Variants in SAMD3 observed in about 807,000 individuals in gnomAD.
SAMD3 encodes sterile alpha motif domain-containing protein 3.
A neutral mutation model predicts 58.5 loss-of-function variants in SAMD3; 63 were observed. The ratio of observed to expected loss-of-function variants is 1.08; its 90% CI spans 0.88 to 1.33. SAMD3 has a LOEUF of 1.33. Ranked by LOEUF, SAMD3 falls within the 40% of genes most tolerant of loss-of-function variation. SAMD3 has a pLI of 0.00. For missense variants in SAMD3, 604 were observed against 608.4 expected (o/e 0.99, Z 0.08); for synonymous variants, 220 against 210.3 (o/e 1.05, Z -0.40).
chr6:130,181,150 T>C (rs190136525), intron 7 of SAMD3, among the ~76,000 whole-genome samples: 10 of 152,168 alleles, frequency 6.6e-5, no homozygotes, highest in Admixed American at 5.9e-4. Flanking sequence ...TTTCACCATG[T>C]TGGCCAGGCT....
chr6:130,183,995 A>T, intron 7 of SAMD3, 108 bp downstream of exon 7: 2 of 805,476 alleles, frequency 2.5e-6, no homozygotes, highest in East Asian at 2.6e-5. Flanking sequence ...AGAGAGAGAG[A>T]GAGAGACACC....
intron 2 of SAMD3, among the ~76,000 whole-genome samples, chr6:130,244,183 T>A (rs1425819536): frequency 1.3e-5 from 2 of 152,330 alleles, no homozygotes; most frequent in South Asian, 2.1e-4. Context: ...GGAAAATATT[T>A]CATGCCTGTG....
At chr6:130,249,273 T>A (rs1453435266) in intron 2 of SAMD3, among the ~76,000 whole-genome samples, 1 of 152,178 alleles carries the variant, frequency 6.6e-6, no homozygotes, top group Non-Finnish European at 1.5e-5. Flanking sequence ...GGCCAAAGAG[T>A]ATCTCTTTTA....
rs775870000 is a variant in SAMD3 at position 130,214,537 on chromosome 6, G to GA, written c.80-12dup. ...CACTTACTTCTTCCTCTGGGAAAAA[G>GA]AAAAAAAATTAGTTTCTACATGACT... is the stretch of plus-strand genomic sequence containing the variant. On this transcript the variant is annotated splice_polypyrimidine_tract_variant and intron_variant, in intron 3 of 11. Coordinates refer to ENST00000439090, the MANE Select transcript of SAMD3 (RefSeq NM_001017373.4). 2.7e-5 allele frequency: 42 copies of GA among 1,560,024 alleles called. No homozygotes were observed. The highest frequency in any genetic ancestry group is 2.4e-4 in the Admixed American group (12 of 49,924).
At chr6:130,199,162 C>A (rs1245204800) in intron 5 of SAMD3, among the ~76,000 whole-genome samples, 2 of 152,136 alleles carry the variant, frequency 1.3e-5, no homozygotes, top group Non-Finnish European at 2.9e-5. Context: ...CAAGTGCCAC[C>A]AGCAATAGTA....
chr6:130,321,453 C>G (rs957382180), intron 1 of SAMD3, among the ~76,000 whole-genome samples: 2 of 152,136 alleles, frequency 1.3e-5, no homozygotes, highest in Non-Finnish European at 2.9e-5. Flanking sequence ...ATTGCTGACC[C>G]ATGGAAATGG....
chr6:130,288,834 T>C (rs4897401), intron 2 of SAMD3, among the ~76,000 whole-genome samples: 42,350 of 152,078 alleles, frequency 0.28, 6,355 homozygotes, highest in East Asian at 0.45. Flanking sequence ...GTGATTACAG[T>C]CTTATGAGGG....
At chr6:130,166,603 A>G (rs1790755963) in intron 8 of SAMD3, among the ~76,000 whole-genome samples, 1 of 152,242 alleles carries the variant, frequency 6.6e-6, no homozygotes, top group Non-Finnish European at 1.5e-5. Context: ...AGTTAAAATT[A>G]CAAACATAAT....
chr6:130,244,397 C>A (rs1048484805), intron 2 of SAMD3, among the ~76,000 whole-genome samples: 1 of 152,216 alleles, frequency 6.6e-6, no homozygotes, highest in South Asian at 2.1e-4. Context: ...TATGCAATCT[C>A]CGGTAAAGTA....
chr6:130,264,477 C>T lies in SAMD3; in HGVS notation c.-187-41664G>A, dbSNP rs368120429. 4.6e-5 allele frequency among the ~76,000 whole-genome samples: 7 copies of T among 152,310 alleles called. 1 individual carries two copies. On this transcript the variant is annotated intron_variant, in intron 2 of 13. Coordinates refer to the SAMD3 transcript ENST00000368134. ...TGGTGGACCTTTACTGGGCACTCTG[C>T]CAAATAACTAGAGTGGCACTTGTGC...
At chr6:130,363,040 T>A (rs1778031901) in intron 1 of SAMD3, among the ~76,000 whole-genome samples, 1 of 152,230 alleles carries the variant, frequency 6.6e-6, no homozygotes, top group Non-Finnish European at 1.5e-5. Context: ...AAGTTCATTT[T>A]CTTTATTGAC....
At chr6:130,145,275 A>AAT (rs1327688804) in intron 11 of SAMD3, 65 bp downstream of exon 11, 1 of 736,762 alleles carries the variant, frequency 1.4e-6, no homozygotes, top group Non-Finnish European at 2.1e-6. Context: ...TAAGTAAATA[A>AAT]ATAATATAAA....
At chr6:130,214,283 C>T in intron 4 of SAMD3, 54 bp downstream of exon 4, 1 of 1,417,694 alleles carries the variant, frequency 7.1e-7, no homozygotes, top group Non-Finnish European at 9.4e-7. Flanking sequence ...ACGCTCTAGC[C>T]ATCATTGGGA....
chr6:130,175,814 T>A (rs1791671123), intron 8 of SAMD3, 27 bp downstream of exon 8: 1 of 1,466,920 alleles, frequency 6.8e-7, no homozygotes, highest in African/African-American at 1.4e-5. Flanking sequence ...TATCAAGTCA[T>A]CAGAACATTT....
chr6:130,238,461 A>AAT (rs1773242630), intron 2 of SAMD3, among the ~76,000 whole-genome samples: 1 of 152,220 alleles, frequency 6.6e-6, no homozygotes, highest in Admixed American at 6.5e-5. Flanking sequence ...AAGGAGGAAC[A>AAT]ATAGCAAGAG....
chr6:130,182,435 G>GA lies in SAMD3; in HGVS notation c.654+1667dup, dbSNP rs780588984. The stretch of plus-strand genomic sequence containing the variant: ...AACATCTTTCCTCAGTCTGAGTGGT[G>GA]AAAAAAACCTTTAATTACCTCTCCC... On this transcript the variant is annotated intron_variant, in intron 7 of 11. Coordinates refer to ENST00000439090, the MANE Select transcript of SAMD3 (RefSeq NM_001017373.4). Among the ~76,000 whole-genome samples, 17 of 151,904 alleles carry GA rather than the reference G, an allele frequency of 1.1e-4. 1 individual carries two copies. The highest frequency in any genetic ancestry group is 2.6e-4 in the Admixed American group (4 of 15,258).
At chr6:130,311,560 A>C (rs1292613786) in intron 2 of SAMD3, among the ~76,000 whole-genome samples, 1 of 152,208 alleles carries the variant, frequency 6.6e-6, no homozygotes, top group Non-Finnish European at 1.5e-5. Flanking sequence ...GTGTTGAAAA[A>C]AAATTTGTGA....
chr6:130,180,953 C>CTTTCTTTTTTTTTTTTTTTTT (rs56707260), intron 7 of SAMD3, among the ~76,000 whole-genome samples: 1 of 117,362 alleles, frequency 8.5e-6, no homozygotes, highest in African/African-American at 3.2e-5. Context: ...TTCTTTCTTT[C>CTTTCTTTTTTTTTTTTTTTTT]TTTTTTCTTT....
chr6:130,325,943 T>G (rs886484195), intron 1 of SAMD3, among the ~76,000 whole-genome samples: 1 of 152,166 alleles, frequency 6.6e-6, no homozygotes, highest in African/African-American at 2.4e-5. Flanking sequence ...AGACACTTAA[T>G]CCTCAAGTTT....
Sources: gnomAD v4.1 joint callset for allele counts (sites outside exome capture counted in the v4.1 genomes callset) on GRCh38, gnomAD v4.1.1 for gene constraint, MANE v1.5 for transcripts, NCBI Gene and HGNC (gene_info 2026-07-23, HGNC 2026-07-21) for gene names.